The following BET1 variants were observed in gnomAD, a reference collection of about 807,000 sequenced individuals.
BET1 encodes the protein BET1 homolog.
BET1 carries 9 observed loss-of-function variants against 13.9 expected under a neutral mutation model. The observed-to-expected ratio is 0.65, with a 90% CI of 0.39 to 1.13. BET1 has a LOEUF of 1.13. BET1 is among the 50% of genes most tolerant of loss of function. The probability of loss-of-function intolerance (pLI) is 0.01; values close to 1 mark genes in which losing one functional copy is unlikely to be tolerated. For synonymous variants in BET1, 39 were observed against 47.3 expected, an observed-to-expected ratio of 0.82 and a Z score of 0.72; for missense variants, 127 against 133.6, an observed-to-expected ratio of 0.95 and a Z score of 0.24.
At chr7:93,996,177 T>C in intron 3 of BET1, 88 bp downstream of exon 3, 3 of 973,846 alleles carry the variant, frequency 3.1e-6, no homozygotes, top group Non-Finnish European at 4.7e-6. Flanking sequence ...ACTTACGATC[T>C]CTGTATTTCA....
At chr7:93,991,870 T>C (rs1795644118), downstream of BET1, 1 of 973,854 alleles carries the variant, frequency 1.0e-6, no homozygotes, top group Admixed American at 6.2e-5. Flanking sequence ...TCAAACACTT[T>C]TTCAACATTC....
At chr7:94,002,270 T>C (rs1795921693) in intron 1 of BET1, among the ~76,000 whole-genome samples, 1 of 152,100 alleles carries the variant, frequency 6.6e-6, no homozygotes, top group Non-Finnish European at 1.5e-5. Context: ...CTTCTGCCTA[T>C]GGATATGTAT....
At chr7:93,967,922 C>T (rs1795200763) in intron 6 of BET1, among the ~76,000 whole-genome samples, 1 of 151,766 alleles carries the variant, frequency 6.6e-6, no homozygotes, top group Admixed American at 6.6e-5. Flanking sequence ...TTACTTCTGG[C>T]AGAAACTCAT....
chr7:94,003,880 CAT>C (rs1361194797), intron 1 of BET1, among the ~76,000 whole-genome samples: 1 of 152,052 alleles, frequency 6.6e-6, no homozygotes, highest in Non-Finnish European at 1.5e-5. Context: ...CTTTGGAAAA[CAT>C]AGCAGCGTCC....
At chr7:93,972,297 G>C (rs370129926) in intron 6 of BET1, 2 of 151,936 alleles carry the variant, frequency 1.3e-5, no homozygotes, top group Admixed American at 6.6e-5. Context: ...TATCATTGTC[G>C]TTGGCTTAAA....
chr7:93,997,627 A>C (rs1795801259), intron 2 of BET1, among the ~76,000 whole-genome samples: 1 of 152,192 alleles, frequency 6.6e-6, no homozygotes, highest in Non-Finnish European at 1.5e-5. Context: ...CGATTTTCCA[A>C]AGACTATATT....
At chr7:94,003,828 C>T (rs1280123293) in intron 1 of BET1, among the ~76,000 whole-genome samples, 1 of 152,100 alleles carries the variant, frequency 6.6e-6, no homozygotes, top group East Asian at 1.9e-4. Flanking sequence ...TCTGAAGAAA[C>T]TAAGATCCAG....
chr7:93,984,992 A>G (rs1274441736), intron 4 of BET1, among the ~76,000 whole-genome samples: 5 of 152,298 alleles, frequency 3.3e-5, no homozygotes, highest in African/African-American at 1.2e-4. Context: ...TTCAGAAGCT[A>G]TAAAGAATAT....
intron 4 of BET1, among the ~76,000 whole-genome samples, chr7:93,978,153 T>C (rs577231444): frequency 4.2e-4 from 64 of 152,050 alleles, no homozygotes; most frequent in African/African-American, 1.3e-3. Context: ...TACCACAGCC[T>C]CCACCTCTGA....
intron 6 of BET1, among the ~76,000 whole-genome samples, chr7:93,971,688 C>T (rs981236540): frequency 5.3e-5 from 8 of 151,450 alleles, no homozygotes; most frequent in Admixed American, 6.6e-5. Flanking sequence ...ATTAATAAAG[C>T]CCACTTTCAC....
chr7:93,987,561 A>G (rs1230423672), intron 4 of BET1, among the ~76,000 whole-genome samples: 1 of 152,000 alleles, frequency 6.6e-6, no homozygotes, highest in Non-Finnish European at 1.5e-5. Flanking sequence ...GAGTTCTACA[A>G]CTGGGTTTCC....
In BET1 at chr7:93,993,946, A is replaced by G. The variant is rs771038817; in HGVS notation, c.*284T>C. ...GATTACAACAAAATATTATAATGCT[A>G]TTTAATCTGACAGTTGGCAAACAAT... On this transcript the variant is annotated 3_prime_UTR_variant, in exon 4 of 4. Coordinates refer to ENST00000222547, the MANE Select transcript of BET1 (RefSeq NM_005868.6). 4 of 1,534,642 alleles carry G rather than the reference A, an allele frequency of 2.6e-6. No individual in the cohort carries two copies. Among genetic ancestry groups the G allele is most frequent in the Non-Finnish European group, 2.6e-6 (3 of 1,146,414 alleles).
intron 5 of BET1, among the ~76,000 whole-genome samples, chr7:93,974,241 A>G (rs1020616186): frequency 1.3e-5 from 2 of 152,022 alleles, no homozygotes; most frequent in African/African-American, 4.8e-5. Context: ...ATGTGTATGC[A>G]ATAACCAGTA....
chr7:93,987,429 G>C (rs1795548435), intron 4 of BET1, among the ~76,000 whole-genome samples: 1 of 152,208 alleles, frequency 6.6e-6, no homozygotes, highest in South Asian at 2.1e-4. Flanking sequence ...GTGCAGTTCT[G>C]CATGTCTTGT....
chr7:93,993,717 T>C lies in BET1; in HGVS notation c.*513A>G. ...TCATCAAAAATTATTAGGAAGATTG[T>C]AGGTAAAAAGAAATCAGCCTACAAT... is the stretch of plus-strand genomic sequence containing the variant. On this transcript the variant is annotated 3_prime_UTR_variant, in exon 4 of 4. Coordinates refer to ENST00000222547, the MANE Select transcript of BET1 (RefSeq NM_005868.6). 3.7e-6 allele frequency: 5 copies of C among 1,362,532 alleles called. No homozygotes were observed. Among genetic ancestry groups the C allele is most frequent in the Non-Finnish European group, 4.7e-6 (5 of 1,063,590 alleles). 84.4% of individuals were successfully genotyped at this position (1,362,532 alleles called of 1,614,324 possible). A position where few individuals can be genotyped will look rare whatever the true frequency, so the allele number is the denominator to read the frequency against.
chr7:93,983,948 G>C (rs1795476655), intron 4 of BET1, among the ~76,000 whole-genome samples: 1 of 152,108 alleles, frequency 6.6e-6, no homozygotes, highest in South Asian at 2.1e-4. Context: ...GGCAACCCAT[G>C]ATGCTGCAAT....
chr7:93,973,488 G>C (rs562611883), intron 5 of BET1, among the ~76,000 whole-genome samples: 1 of 151,938 alleles, frequency 6.6e-6, no homozygotes, highest in Non-Finnish European at 1.5e-5. Context: ...TAGCTCTGGG[G>C]AGACAAACTC....
At chr7:93,966,265 A>C (rs1795170733) in intron 6 of BET1, among the ~76,000 whole-genome samples, 1 of 151,978 alleles carries the variant, frequency 6.6e-6, no homozygotes, top group Non-Finnish European at 1.5e-5. Context: ...CTCTTCCAAG[A>C]AGTGCTTGCT....
At chr7:93,987,693 T>A (rs546905145) in intron 4 of BET1, among the ~76,000 whole-genome samples, 2 of 152,134 alleles carry the variant, frequency 1.3e-5, no homozygotes, top group Non-Finnish European at 2.9e-5. Flanking sequence ...GTAAAGTGCA[T>A]TTCAAGGCTA....
Sources: allele counts gnomAD v4.1 joint callset (sites outside exome capture counted in the v4.1 genomes callset), GRCh38; gene constraint gnomAD v4.1.1; transcripts MANE v1.5; gene names NCBI Gene and HGNC (gene_info 2026-07-23, HGNC 2026-07-21).